The following SYNDIG1 variants were observed in gnomAD, a reference collection of about 807,000 sequenced individuals.
The protein encoded by SYNDIG1 is synapse differentiation inducing 1.
A neutral mutation model predicts 19.4 loss-of-function variants in SYNDIG1; 9 were observed. The ratio of observed to expected loss-of-function variants is 0.46; its 90% CI spans 0.28 to 0.81. The LOEUF (loss-of-function observed/expected upper bound fraction) is 0.81, where lower values mean the gene tolerates loss of function less well. Ranked by LOEUF, SYNDIG1 falls within the 30% of genes least tolerant of loss-of-function variation. The pLI is 0.12. For synonymous variants in SYNDIG1, 141 were observed against 145.9 expected, an observed-to-expected ratio of 0.97 and a Z score of 0.24; for missense variants, 311 against 343.3, an observed-to-expected ratio of 0.91 and a Z score of 0.74.
rs141098851 is a variant in SYNDIG1, at chr20:24,472,339, G to T, written c.-79+2586G>T. Reference sequence around the variant, plus strand: ...TCTGGTTGAGCCATGATAGGCAAGAGAATTTTTTTTGATAAAAACTTTAAA... The same window carrying T: ...TCTGGTTGAGCCATGATAGGCAAGATAATTTTTTTTGATAAAAACTTTAAA... On this transcript the variant is annotated intron_variant, in intron 1 of 3. Coordinates refer to ENST00000376862, the MANE Select transcript of SYNDIG1 (RefSeq NM_024893.3). Among the ~76,000 whole-genome samples the T allele has an allele frequency of 6.3e-3, 960 of 152,260 alleles. 8 individuals are homozygous for T. Among genetic ancestry groups the T allele is most frequent in the African/African-American group, 0.02 (813 of 41,558 alleles).
chr20:24,551,196 CT>C (rs1434382852), intron 2 of SYNDIG1, among the ~76,000 whole-genome samples: 1 of 152,134 alleles, frequency 6.6e-6, no homozygotes, highest in East Asian at 1.9e-4. Flanking sequence ...TAGTTTAAGT[CT>C]CTTGTTTTAA....
intron 3 of SYNDIG1, among the ~76,000 whole-genome samples, chr20:24,602,382 T>G (rs544051852): frequency 6.6e-6 from 1 of 152,362 alleles, no homozygotes; most frequent in East Asian, 1.9e-4. Flanking sequence ...TAGTCCACAC[T>G]CAAGCTCCGA....
At chr20:24,524,506 G>A (rs928078560) in intron 1 of SYNDIG1, among the ~76,000 whole-genome samples, 1 of 152,094 alleles carries the variant, frequency 6.6e-6, no homozygotes, top group Non-Finnish European at 1.5e-5. Flanking sequence ...TTAGCTGGGC[G>A]TGGTGGCGGG....
At chr20:24,525,753 A>G (rs752234729) in intron 1 of SYNDIG1, among the ~76,000 whole-genome samples, 2 of 152,204 alleles carry the variant, frequency 1.3e-5, no homozygotes, top group South Asian at 2.1e-4. Flanking sequence ...GATCAAAATT[A>G]TTATTCAAAT....
chr20:24,494,384 G>C (rs572084682), intron 1 of SYNDIG1, among the ~76,000 whole-genome samples: 1 of 152,312 alleles, frequency 6.6e-6, no homozygotes, highest in African/African-American at 2.4e-5. Flanking sequence ...TGTGGGAGTG[G>C]ATGGCTCAGG....
At chr20:24,479,974 GCACA>G (rs144347030) in intron 1 of SYNDIG1, among the ~76,000 whole-genome samples, 2 of 152,086 alleles carry the variant, frequency 1.3e-5, no homozygotes, top group Non-Finnish European at 2.9e-5. Context: ...ACAAATGCCT[GCACA>G]CACACACACT....
chr20:24,527,053 C>T (rs549300945), intron 1 of SYNDIG1, among the ~76,000 whole-genome samples: 1 of 152,290 alleles, frequency 6.6e-6, no homozygotes, highest in Admixed American at 6.5e-5. Flanking sequence ...CAGTGCTGAA[C>T]ATTTCACAGG....
chr20:24,545,069 A>G (rs755567188), intron 2 of SYNDIG1, among the ~76,000 whole-genome samples: 1 of 152,190 alleles, frequency 6.6e-6, no homozygotes, highest in African/African-American at 2.4e-5. Context: ...TTGCAAGGGA[A>G]TGACAGGCCA....
intron 3 of SYNDIG1, among the ~76,000 whole-genome samples, chr20:24,626,471 G>C (rs2059137541): frequency 6.6e-6 from 1 of 150,650 alleles, no homozygotes; most frequent in African/African-American, 2.4e-5. Flanking sequence ...CCACATCTCA[G>C]ACGATGGGCG....
intron 2 of SYNDIG1, among the ~76,000 whole-genome samples, chr20:24,557,177 C>T (rs2146845450): frequency 6.6e-6 from 1 of 152,338 alleles, no homozygotes; most frequent in Middle Eastern, 3.4e-3. Context: ...AAGGACTTCT[C>T]TGCATTGGTT....
At chr20:24,555,141 G>A (rs2057787355) in intron 2 of SYNDIG1, among the ~76,000 whole-genome samples, 2 of 152,170 alleles carry the variant, frequency 1.3e-5, no homozygotes, top group African/African-American at 2.4e-5. Flanking sequence ...CTGTGGGATT[G>A]GTGGTGATAT....
At chr20:24,581,700 C>T (rs1195828175) in intron 2 of SYNDIG1, among the ~76,000 whole-genome samples, 1 of 152,070 alleles carries the variant, frequency 6.6e-6, no homozygotes, top group East Asian at 1.9e-4. Context: ...CCACACTGCA[C>T]AGCCTCCATG....
At chr20:24,628,051 A>G (rs1260658584) in intron 3 of SYNDIG1, among the ~76,000 whole-genome samples, 4 of 152,242 alleles carry the variant, frequency 2.6e-5, no homozygotes, top group Non-Finnish European at 2.9e-5. Context: ...TTAGAGGAGC[A>G]CAGGATGGTC....
At chr20:24,540,213 T>C (rs985532725) in intron 1 of SYNDIG1, among the ~76,000 whole-genome samples, 1 of 152,244 alleles carries the variant, frequency 6.6e-6, no homozygotes, top group Non-Finnish European at 1.5e-5. Context: ...TTCTTCATTG[T>C]TGGTATATAG....
rs748716057 is a variant in SYNDIG1 at position 24,665,514 on chromosome 20, G to C, written c.*10G>C. 1.2e-6 allele frequency: 2 copies of C among 1,613,852 alleles called. No homozygotes were observed. The highest frequency in any genetic ancestry group is 1.7e-6 in the Non-Finnish European group (2 of 1,179,928). On this transcript the variant is annotated 3_prime_UTR_variant, in exon 4 of 4. Coordinates refer to ENST00000376862, the MANE Select transcript of SYNDIG1 (RefSeq NM_024893.3). ...GAACAACCACCTGTGAGCTTCCTGCGAATGGAGGGGGAGCACCCGGGGCCA... is the reference window on the plus strand; with the variant it reads ...GAACAACCACCTGTGAGCTTCCTGCCAATGGAGGGGGAGCACCCGGGGCCA...
chr20:24,565,351 G>A (rs921430340), intron 2 of SYNDIG1, among the ~76,000 whole-genome samples: 1 of 152,188 alleles, frequency 6.6e-6, no homozygotes, highest in African/African-American at 2.4e-5. Flanking sequence ...CACAGAGGCC[G>A]AGACTGTAAA....
intron 1 of SYNDIG1, among the ~76,000 whole-genome samples, chr20:24,531,574 T>G (rs2057260589): frequency 2.6e-5 from 4 of 152,144 alleles, no homozygotes; most frequent in African/African-American, 9.7e-5. Context: ...ATTCACTGGA[T>G]TTTTTCTAGC....
At chr20:24,547,183 G>A (rs146164550) in intron 2 of SYNDIG1, among the ~76,000 whole-genome samples, 95 of 152,316 alleles carry the variant, frequency 6.2e-4, no homozygotes, top group Middle Eastern at 6.8e-3. Context: ...GGTTCTGAGC[G>A]GGGCTCCCTT....
chr20:24,636,340 G>A (rs2059315412), intron 3 of SYNDIG1, among the ~76,000 whole-genome samples: 1 of 152,190 alleles, frequency 6.6e-6, no homozygotes, highest in African/African-American at 2.4e-5. Flanking sequence ...TTTAAGAGTG[G>A]AGGTTTAATA....
Sources: gnomAD v4.1 joint callset for allele counts (sites outside exome capture counted in the v4.1 genomes callset) on GRCh38, gnomAD v4.1.1 for gene constraint, MANE v1.5 for transcripts, NCBI Gene and HGNC (gene_info 2026-07-23, HGNC 2026-07-21) for gene names.